Variants in CCDC152 observed in about 807,000 individuals in gnomAD.
The protein encoded by CCDC152 is coiled-coil domain containing 152.
In CCDC152, 37 loss-of-function variants were observed where a neutral mutation model predicts 38.1. The observed-to-expected ratio is 0.97, with a 90% CI of 0.75 to 1.28. CCDC152 has a LOEUF of 1.28. Among genes scored for constraint, CCDC152 ranks in the 50% most tolerant of loss-of-function variants. CCDC152 has a pLI of 0.00. For missense variants in CCDC152, 259 were observed against 292.1 expected, an observed-to-expected ratio of 0.89 and a Z score of 0.83; for synonymous variants, 83 against 87.1, an observed-to-expected ratio of 0.95 and a Z score of 0.26.
At chr5:42,795,981 A>C (rs1760069159) in intron 6 of CCDC152, among the ~76,000 whole-genome samples, 1 of 151,276 alleles carries the variant, frequency 6.6e-6, no homozygotes, top group South Asian at 2.1e-4. Context: ...TCAGTAAACT[A>C]TCGCAAGGAC....
At chr5:42,781,553 GCGCACA>G (rs1310948162) in intron 5 of CCDC152, among the ~76,000 whole-genome samples, 138 of 125,832 alleles carry the variant, frequency 1.1e-3, no homozygotes, top group Admixed American at 2.9e-3. Flanking sequence ...ATGCGCGCGC[GCGCACA>G]CACACACACA....
intron 3 of CCDC152, among the ~76,000 whole-genome samples, chr5:42,763,838 G>GA (rs1276017636): frequency 2.6e-5 from 4 of 152,084 alleles, no homozygotes; most frequent in Non-Finnish European, 5.9e-5. Flanking sequence ...TGAAACCACA[G>GA]AAAAACTAGA....
chr5:42,796,507 G>A (rs1448865024), intron 6 of CCDC152, among the ~76,000 whole-genome samples: 1 of 152,134 alleles, frequency 6.6e-6, no homozygotes, highest in Non-Finnish European at 1.5e-5. Flanking sequence ...AGTAGTTTGA[G>A]CCCTTCATAC....
At chr5:42,757,233 A>T (rs958673004) in intron 1 of CCDC152, among the ~76,000 whole-genome samples, 1 of 152,140 alleles carries the variant, frequency 6.6e-6, no homozygotes, top group African/African-American at 2.4e-5. Context: ...AGGATGACGG[A>T]GAGGGAGCCA....
intron 6 of CCDC152, among the ~76,000 whole-genome samples, chr5:42,796,291 TGGG>T (rs1325095284): frequency 1.3e-5 from 2 of 150,630 alleles, no homozygotes; most frequent in African/African-American, 4.9e-5. Context: ...CCCTTCATTG[TGGG>T]GCTTGTAGAT....
rs1310474160 is a variant in CCDC152, at chr5:42,779,650, G to A, written c.327+128G>A. 5.8e-6 allele frequency: 3 copies of A among 514,134 alleles called. No homozygotes were observed. The East Asian group carries it at 9.3e-5, about 16-fold the overall frequency. The allele number at this position is 514,134 out of a possible 1,614,324, so 31.8% of individuals were successfully genotyped here. A position where few individuals can be genotyped will look rare whatever the true frequency, so the allele number is the denominator to read the frequency against. On this transcript the variant is annotated intron_variant, in intron 5 of 8. Coordinates refer to ENST00000361970, the MANE Select transcript of CCDC152 (RefSeq NM_001134848.2). ...GTTTGTGGGTGTGTGTGTGTGTGGA[G>A]ATATACGTATATATGCCAAAATCTT...
chr5:42,776,870 A>G (rs542176615), intron 4 of CCDC152, among the ~76,000 whole-genome samples: 223 of 152,336 alleles, frequency 1.5e-3, no homozygotes, highest in Middle Eastern at 0.014. Context: ...ACTAAATAAA[A>G]ATACAATTTA....
In CCDC152 at chr5:42,759,158, A is replaced by G. The variant is rs2111931429; in HGVS notation, c.37A>G (p.Ser13Gly). 6.4e-7 allele frequency: 1 copy of G among 1,551,300 alleles called. No individual in the cohort carries two copies. The highest frequency in any genetic ancestry group is 1.4e-5 in the African/African-American group (1 of 73,162). ...CAGTGAAGGATGTATGAAAAAGATT[A>G]GCAGTGTGAATCTTGACAAACTTAT... is the stretch of plus-strand genomic sequence containing the variant. The part of the protein sequence containing the change: ...QSSEGCMKKI[S>G]SVNLDKLIND... Residue 13 changes from serine (S) to glycine (G), a missense_variant, in exon 2 of 9, where the codon AGC (serine) becomes GGC (glycine). By Grantham distance (56) the Ser-to-Gly change is moderately conservative (BLOSUM62 0). Coordinates refer to ENST00000361970, the MANE Select transcript of CCDC152 (RefSeq NM_001134848.2).
At chr5:42,780,629 C>G (rs1439460834) in intron 5 of CCDC152, among the ~76,000 whole-genome samples, 3 of 152,096 alleles carry the variant, frequency 2.0e-5, no homozygotes, top group Non-Finnish European at 2.9e-5. Flanking sequence ...AGAGAAAACA[C>G]CACAACCCAA....
At chr5:42,775,770 A>C (rs1477365244) in intron 4 of CCDC152, among the ~76,000 whole-genome samples, 1 of 152,164 alleles carries the variant, frequency 6.6e-6, no homozygotes, top group Non-Finnish European at 1.5e-5. Flanking sequence ...GAAATGCATG[A>C]CATCAATGAC....
chr5:42,766,457 C>T (rs1432707747), intron 3 of CCDC152, among the ~76,000 whole-genome samples: 2 of 152,148 alleles, frequency 1.3e-5, no homozygotes, highest in African/African-American at 4.8e-5. Flanking sequence ...AAAGAGAGAT[C>T]TGCACTCTTT....
intron 4 of CCDC152, among the ~76,000 whole-genome samples, chr5:42,773,158 T>C (rs1339228572): frequency 6.6e-6 from 1 of 152,216 alleles, no homozygotes; most frequent in African/African-American, 2.4e-5. Flanking sequence ...GGATCTGGTT[T>C]TTTGGTAACA....
At chr5:42,780,881 A>G (rs1217868680) in intron 5 of CCDC152, among the ~76,000 whole-genome samples, 2 of 152,212 alleles carry the variant, frequency 1.3e-5, no homozygotes, top group Non-Finnish European at 2.9e-5. Context: ...AAATTCCCAG[A>G]AAGCATATGA....
In CCDC152 at chr5:42,762,472, T is replaced by C. The variant is rs1759565289; in HGVS notation, c.117T>C (p.Asn39=). The C allele has an allele frequency of 6.5e-7, 1 of 1,528,548 alleles. No homozygotes were observed. The highest frequency in any genetic ancestry group is 8.9e-7 in the Non-Finnish European group (1 of 1,126,676). 94.7% of individuals were successfully genotyped at this position (1,528,548 alleles called of 1,614,324 possible). The change falls in exon 3 of 9, where the codon AAT becomes AAC. Residue 39 remains asparagine, a synonymous_variant. Coordinates refer to ENST00000361970, the MANE Select transcript of CCDC152 (RefSeq NM_001134848.2). ...KKMVETNGKN[N]ILDIQLEKSN... ...TGGTAGAAACCAATGGAAAGAACAA[T>C]ATACTGGATATTCAGTTGGAAAAAA... is the stretch of plus-strand genomic sequence containing the variant.
At chr5:42,779,544 T>C in intron 5 of CCDC152, 22 bp downstream of exon 5, 7 of 1,286,314 alleles carry the variant, frequency 5.4e-6, no homozygotes, top group Non-Finnish European at 7.7e-6. Context: ...TATCATTCTA[T>C]TCAGTCAAGT....
intron 6 of CCDC152, 69 bp downstream of exon 6, chr5:42,783,645 G>T (rs758596997): frequency 6.2e-4 from 435 of 699,526 alleles, no homozygotes; most frequent in Non-Finnish European, 7.5e-4. Flanking sequence ...TTGTTACATG[G>T]GTATTTTGTA....
rs1425709254 is a variant in CCDC152 at position 42,801,111 on chromosome 5, T to G, written c.*1330T>G. On this transcript the variant is annotated 3_prime_UTR_variant, in exon 9 of 9. Transcript: ENST00000361970. ...GTTCTCTGGGTGACCCTGCCTATGCTGACCCTTGTGCTTATGGTGGTGATG... is the reference window on the plus strand; with the variant it reads ...GTTCTCTGGGTGACCCTGCCTATGCGGACCCTTGTGCTTATGGTGGTGATG... 1.2e-6 allele frequency: 2 copies of G among 1,614,186 alleles called. No individual in the cohort carries two copies. The highest frequency in any genetic ancestry group is 2.7e-5 in the African/African-American group (2 of 75,046).
chr5:42,792,148 T>A (rs1186157474), intron 6 of CCDC152, among the ~76,000 whole-genome samples: 1 of 152,196 alleles, frequency 6.6e-6, no homozygotes, highest in Non-Finnish European at 1.5e-5. Context: ...TCCACATGTT[T>A]CCATTCTATT....
chr5:42,798,142 A>T (rs950690811), intron 7 of CCDC152, among the ~76,000 whole-genome samples: 1 of 152,144 alleles, frequency 6.6e-6, no homozygotes, highest in Non-Finnish European at 1.5e-5. Flanking sequence ...CAGAACGAAA[A>T]AAATAAATAA....
Sources: gnomAD v4.1 joint callset for allele counts (sites outside exome capture counted in the v4.1 genomes callset) on GRCh38, gnomAD v4.1.1 for gene constraint, MANE v1.5 for transcripts, NCBI Gene and HGNC (gene_info 2026-07-23, HGNC 2026-07-21) for gene names.